ADGRG6: variants seen among roughly 807,000 people sequenced by gnomAD.
The protein encoded by ADGRG6 is G-protein coupled receptor 126.
In ADGRG6, 84 loss-of-function variants were observed where a neutral mutation model predicts 142.4. The ratio of observed to expected loss-of-function variants is 0.59; its 90% CI spans 0.49 to 0.71. The LOEUF (loss-of-function observed/expected upper bound fraction) is 0.71. ADGRG6 is among the 30% of genes least tolerant of loss of function. The pLI is 0.00. For missense variants in ADGRG6, 1,367 were observed against 1,466.6 expected (o/e 0.93, Z 1.11); for synonymous variants, 521 against 520.5 (o/e 1.00, Z -0.01).
chr6:142,379,221 A>G (rs987466218), intron 4 of ADGRG6, among the ~76,000 whole-genome samples: 4 of 152,204 alleles, frequency 2.6e-5, no homozygotes, highest in Non-Finnish European at 5.9e-5. Context: ...GGAAATTAGC[A>G]AAACGTCCTC....
At chr6:142,381,351 G>A (rs1781762007) in intron 4 of ADGRG6, among the ~76,000 whole-genome samples, 1 of 152,164 alleles carries the variant, frequency 6.6e-6, no homozygotes, top group Non-Finnish European at 1.5e-5. Flanking sequence ...GACTCAAGCT[G>A]TTGGAAAAAG....
At chr6:142,309,691 T>A (rs999290445) in intron 2 of ADGRG6, 47 bp downstream of exon 2, 1 of 1,202,880 alleles carries the variant, frequency 8.3e-7, no homozygotes, top group Admixed American at 2.0e-5. Context: ...ATGATGACAT[T>A]GTCTGCAGTG....
At chr6:142,315,304 ATTC>A (rs1179024792) in intron 2 of ADGRG6, among the ~76,000 whole-genome samples, 3 of 152,004 alleles carry the variant, frequency 2.0e-5, no homozygotes, top group Non-Finnish European at 4.4e-5. Context: ...TGTTCTTACT[ATTC>A]TTTCTTCTTT....
rs1778415554 is a variant in ADGRG6, at chr6:142,319,519, A to C, written c.103+9875A>C. ...TTACATGAAGTTTTTCATATTCTTC[A>C]AATTGTTCCTTTAGGTTCTTCTGAC... On this transcript the variant is annotated intron_variant, in intron 2 of 24. Transcript: ENST00000367609. Among the ~76,000 whole-genome samples the C allele has an allele frequency of 2.0e-5, 3 of 152,240 alleles. No individual in the cohort carries two copies. The South Asian group carries it at 6.2e-4, about 31-fold the overall frequency.
At chr6:142,437,185 T>G (rs1777525696) in intron 22 of ADGRG6, among the ~76,000 whole-genome samples, 1 of 152,188 alleles carries the variant, frequency 6.6e-6, no homozygotes, top group Non-Finnish European at 1.5e-5. Flanking sequence ...TCATAATGAA[T>G]GCTGAACAGA....
intron 10 of ADGRG6, among the ~76,000 whole-genome samples, 159 bp downstream of exon 10, chr6:142,397,914 A>C (rs1775289139): frequency 6.6e-6 from 1 of 152,218 alleles, no homozygotes; most frequent in Admixed American, 6.5e-5. Context: ...GCAGAAAAAA[A>C]AAATCAGCTC....
At position 142,302,156 on chromosome 6, in the gene ADGRG6, C is replaced by T; in HGVS notation, c.-174C>T. ...GAACGCTGCCGCGCCCAGGGTTCAC[C>T]TTGCGCCGTCGGGAAAGCCCATGAA... is the stretch of plus-strand genomic sequence containing the variant. On this transcript the variant is annotated 5_prime_UTR_variant, in exon 1 of 25. Coordinates refer to ENST00000367609, the MANE Select transcript of ADGRG6 (RefSeq NM_198569.3). 1 of 658,994 alleles carries T rather than the reference C, an allele frequency of 1.5e-6. No homozygotes were observed. 40.8% of individuals were successfully genotyped at this position (658,994 alleles called of 1,614,324 possible). A position where few individuals can be genotyped will look rare whatever the true frequency, so the allele number is the denominator to read the frequency against.
At position 142,402,619 on chromosome 6, in the gene ADGRG6, G is replaced by C. The variant is rs748777040; in HGVS notation, c.1745-1G>C. On this transcript the variant is annotated splice_acceptor_variant, in intron 12 of 24. Coordinates refer to ENST00000367609, the MANE Select transcript of ADGRG6 (RefSeq NM_198569.3). LOFTEE classifies it high-confidence loss of function. ...GTTGTTTTCTTCTGCCTTTGTTTTA[G>C]AAGAAGCAAATGAAGTTGCTAACCA... 19 of 1,537,202 alleles carry C rather than the reference G, an allele frequency of 1.2e-5. No individual in the cohort carries two copies. The highest frequency in any genetic ancestry group is 1.6e-5 in the Non-Finnish European group (18 of 1,119,292).
At chr6:142,317,880 ATATATT>A (rs1469242239) in intron 2 of ADGRG6, among the ~76,000 whole-genome samples, 17 of 79,104 alleles carry the variant, frequency 2.1e-4, no homozygotes, top group African/African-American at 8.2e-4. Flanking sequence ...TATATATTAT[ATATATT>A]TATATTATAT....
chr6:142,329,578 A>G (rs991464716), intron 2 of ADGRG6, among the ~76,000 whole-genome samples: 13 of 152,254 alleles, frequency 8.5e-5, no homozygotes, highest in African/African-American at 3.1e-4. Context: ...AACGTGAGTG[A>G]ATTTAATATA....
intron 2 of ADGRG6, among the ~76,000 whole-genome samples, chr6:142,341,925 C>T (rs1779678165): frequency 6.6e-6 from 1 of 151,644 alleles, no homozygotes; most frequent in Non-Finnish European, 1.5e-5. Context: ...ATTGAAATGC[C>T]TCCCAAACTG....
intron 3 of ADGRG6, among the ~76,000 whole-genome samples, chr6:142,368,532 CTTAG>C (rs963249254): frequency 9.2e-5 from 14 of 151,972 alleles, no homozygotes; most frequent in African/African-American, 2.4e-4. Flanking sequence ...CATGGTGAGA[CTTAG>C]TTATACTGTT....
intron 6 of ADGRG6, among the ~76,000 whole-genome samples, chr6:142,386,781 G>T (rs1247813410): frequency 5.3e-5 from 8 of 152,096 alleles, no homozygotes; most frequent in Non-Finnish European, 1.2e-4. Flanking sequence ...AGCCATCTGG[G>T]CAGCTCGGGG....
chr6:142,396,922 G>T (rs970455598), intron 9 of ADGRG6, among the ~76,000 whole-genome samples: 2 of 152,088 alleles, frequency 1.3e-5, no homozygotes, highest in Non-Finnish European at 2.9e-5. Flanking sequence ...GGGCTTTGGG[G>T]ATACATTTCT....
chr6:142,347,820 G>A (rs549551626), intron 2 of ADGRG6, among the ~76,000 whole-genome samples: 279 of 152,208 alleles, frequency 1.8e-3, no homozygotes, highest in African/African-American at 6.3e-3. Context: ...AAGTTCTTAA[G>A]AAATAATTCA....
chr6:142,434,863 G>A (rs1342003086), intron 22 of ADGRG6, among the ~76,000 whole-genome samples: 2 of 152,084 alleles, frequency 1.3e-5, no homozygotes, highest in African/African-American at 4.8e-5. Context: ...GACCCATCAT[G>A]TAGAAATTAA....
chr6:142,403,271 C>G (rs1775629579), intron 13 of ADGRG6, among the ~76,000 whole-genome samples: 1 of 151,860 alleles, frequency 6.6e-6, no homozygotes, highest in Admixed American at 6.6e-5. Context: ...TTATATGATT[C>G]AATTTGTATT....
intron 2 of ADGRG6, among the ~76,000 whole-genome samples, chr6:142,347,130 G>C (rs1779943249): frequency 6.6e-6 from 1 of 151,982 alleles, no homozygotes; most frequent in African/African-American, 2.4e-5. Flanking sequence ...TGAATTCTTA[G>C]GGCTAGAGAC....
At chr6:142,368,849 T>C (rs944591163) in intron 3 of ADGRG6, among the ~76,000 whole-genome samples, 1 of 152,118 alleles carries the variant, frequency 6.6e-6, no homozygotes, top group Non-Finnish European at 1.5e-5. Context: ...AAAAGCAAAT[T>C]AGAATTACCT....
Sources: gnomAD v4.1 joint callset for allele counts (sites outside exome capture counted in the v4.1 genomes callset) on GRCh38, gnomAD v4.1.1 for gene constraint, MANE v1.5 for transcripts, NCBI Gene and HGNC (gene_info 2026-07-23, HGNC 2026-07-21) for gene names.